The following RBFOX1 variants were observed in gnomAD, a reference collection of about 807,000 sequenced individuals.
The protein encoded by RBFOX1 is RNA binding fox-1 homolog 1.
A neutral mutation model predicts 57.7 loss-of-function variants in RBFOX1; 8 were observed. The ratio of observed to expected loss-of-function variants is 0.14; its 90% confidence interval spans 0.08 to 0.25. The LOEUF is 0.25. Ranked by LOEUF, RBFOX1 falls within the 10% of genes least tolerant of loss-of-function variation. The pLI, the probability that RBFOX1 is intolerant of heterozygous loss-of-function variation, is 1.00. For synonymous variants in RBFOX1, 326 were observed against 222.4 expected, an observed-to-expected ratio of 1.47 and a Z score of -4.15; for missense variants, 611 against 548.5, an observed-to-expected ratio of 1.11 and a Z score of -1.14.
At chr16:5,596,890 C>T (rs1167011967) in intron 2 of RBFOX1, among the ~76,000 whole-genome samples, 1 of 138,334 alleles carries the variant, frequency 7.2e-6, no homozygotes, top group Non-Finnish European at 1.6e-5. Context: ...TTTATTTGTT[C>T]ACTTCAATAA....
At position 6,957,116 on chromosome 16, in the gene RBFOX1, T is replaced by TTTTATTTATTTATTTATTTATTTA. The variant is rs59003078; in HGVS notation, c.-15-94933_-15-94910dup. On this transcript the variant is annotated intron_variant, in intron 3 of 15. Coordinates refer to ENST00000550418, the MANE Select transcript of RBFOX1 (RefSeq NM_018723.4). ...ATTTATTTTATTTTTTTATTTTTAT[T>TTTTATTTATTTATTTATTTATTTA]TTTATTTATTTATTTATTTATTTAT... Among the ~76,000 whole-genome samples the TTTTATTTATTTATTTATTTATTTA allele has an allele frequency of 8.2e-3, 1,141 of 139,204 alleles. 15 individuals are homozygous for TTTTATTTATTTATTTATTTATTTA. The highest frequency in any genetic ancestry group is 0.016 in the African/African-American group (580 of 36,388). The allele number at this position is 139,204 out of a possible 152,430, so 91.3% of individuals were successfully genotyped here.
chr16:6,055,766 C>A (rs1055879633), intron 1 of RBFOX1, among the ~76,000 whole-genome samples: 1 of 151,890 alleles, frequency 6.6e-6, no homozygotes, highest in Non-Finnish European at 1.5e-5. Flanking sequence ...AGGGAATGAC[C>A]AAAGTAAGAT....
chr16:5,603,030 G>A (rs1487191222), downstream of RBFOX1, among the ~76,000 whole-genome samples: 1 of 152,084 alleles, frequency 6.6e-6, no homozygotes, highest in Non-Finnish European at 1.5e-5. Context: ...TTTGGTCCTT[G>A]CCTGCTCCAG....
chr16:5,370,520 T>A (rs1320663204), intron 1 of RBFOX1, among the ~76,000 whole-genome samples: 2 of 151,374 alleles, frequency 1.3e-5, no homozygotes, highest in African/African-American at 4.9e-5. Flanking sequence ...TAAGATAGCG[T>A]CTCACTTTGT....
intron 3 of RBFOX1, among the ~76,000 whole-genome samples, chr16:6,750,620 C>T (rs999400762): frequency 6.6e-6 from 1 of 152,146 alleles, no homozygotes; most frequent in Admixed American, 6.5e-5. Context: ...TTGAAAGAAA[C>T]ATTGAGACCC....
intron 4 of RBFOX1, among the ~76,000 whole-genome samples, chr16:7,289,872 A>G (rs2095731211): frequency 6.6e-6 from 1 of 152,214 alleles, no homozygotes; most frequent in Non-Finnish European, 1.5e-5. Context: ...CTCAGCTAGT[A>G]TGCTGTAGTT....
intron 3 of RBFOX1, among the ~76,000 whole-genome samples, chr16:6,659,797 C>T (rs147366444): frequency 4.3e-4 from 65 of 152,234 alleles, no homozygotes; most frequent in African/African-American, 1.5e-3. Flanking sequence ...GTGGGGTGGT[C>T]AGATGTCTTC....
intron 3 of RBFOX1, among the ~76,000 whole-genome samples, chr16:6,786,097 C>G (rs186362361): frequency 6.6e-6 from 1 of 152,180 alleles, no homozygotes; most frequent in Non-Finnish European, 1.5e-5. Context: ...CTGGAGTGGG[C>G]TTTGTCACTT....
At chr16:5,957,203 T>A (rs907124013) in intron 4 of RBFOX1, among the ~76,000 whole-genome samples, 1 of 152,106 alleles carries the variant, frequency 6.6e-6, no homozygotes, top group Non-Finnish European at 1.5e-5. Context: ...AGAAACAATT[T>A]ATTTTTTTTC....
chr16:6,524,230 G>A (rs561500861), intron 2 of RBFOX1, among the ~76,000 whole-genome samples: 1 of 152,218 alleles, frequency 6.6e-6, no homozygotes, highest in South Asian at 2.1e-4. Context: ...CCACAGATTA[G>A]TGAGAATATG....
chr16:7,238,498 C>G (rs1038438048), intron 4 of RBFOX1, among the ~76,000 whole-genome samples: 1 of 149,962 alleles, frequency 6.7e-6, no homozygotes. Context: ...AGTACTTTTT[C>G]CTAGGTTACT....
At chr16:5,571,500 G>C (rs541355206) in intron 2 of RBFOX1, among the ~76,000 whole-genome samples, 1 of 152,190 alleles carries the variant, frequency 6.6e-6, no homozygotes, top group South Asian at 2.1e-4. Flanking sequence ...AAAGGCCTGA[G>C]GGTCGTGGCC....
intron 4 of RBFOX1, among the ~76,000 whole-genome samples, chr16:7,488,839 C>A (rs1389217459): frequency 6.6e-6 from 1 of 152,200 alleles, no homozygotes; most frequent in Non-Finnish European, 1.5e-5. Flanking sequence ...TACATTCTCA[C>A]ATCCATTATC....
At chr16:6,909,501 C>T (rs542207420) in intron 3 of RBFOX1, among the ~76,000 whole-genome samples, 1 of 152,222 alleles carries the variant, frequency 6.6e-6, no homozygotes, top group South Asian at 2.1e-4. Context: ...AAGATTCTGT[C>T]TATCACACTC....
At chr16:5,462,702 G>T (rs1353762506) in intron 1 of RBFOX1, among the ~76,000 whole-genome samples, 1 of 152,136 alleles carries the variant, frequency 6.6e-6, no homozygotes, top group African/African-American at 2.4e-5. Context: ...GCACCTGTTA[G>T]GAAAGAAGGA....
intron 4 of RBFOX1, among the ~76,000 whole-genome samples, chr16:7,432,659 G>A (rs1022872213): frequency 1.3e-5 from 2 of 152,190 alleles, no homozygotes; most frequent in Admixed American, 1.3e-4. Context: ...GGGTAACTGT[G>A]TTCTAATAAA....
intron 4 of RBFOX1, among the ~76,000 whole-genome samples, chr16:5,962,593 C>T (rs1286621666): frequency 6.6e-6 from 1 of 152,134 alleles, no homozygotes; most frequent in African/African-American, 2.4e-5. Context: ...TCAAATTCTA[C>T]CTCATTCATA....
chr16:6,888,426 C>G (rs542013776), intron 3 of RBFOX1, among the ~76,000 whole-genome samples: 2 of 152,100 alleles, frequency 1.3e-5, no homozygotes, highest in South Asian at 4.1e-4. Flanking sequence ...ACTTAGAAAG[C>G]AGTGTTCTCT....
intron 3 of RBFOX1, among the ~76,000 whole-genome samples, chr16:5,659,444 C>T (rs574671887): frequency 6.6e-6 from 1 of 151,974 alleles, no homozygotes; most frequent in Non-Finnish European, 1.5e-5. Context: ...GCTGGGACTA[C>T]AGGTGCCCGC....
Sources: allele counts gnomAD v4.1 joint callset (sites outside exome capture counted in the v4.1 genomes callset), GRCh38; gene constraint gnomAD v4.1.1; transcripts MANE v1.5; gene names NCBI Gene and HGNC (gene_info 2026-07-23, HGNC 2026-07-21).